LSR: variants seen among roughly 807,000 people sequenced by gnomAD.
The protein encoded by LSR is lipolysis stimulated lipoprotein receptor, also known as lipolysis-stimulated lipoprotein receptor.
Under a neutral mutation model 61.8 loss-of-function variants are expected in LSR, and 44 were observed. That is an observed-to-expected ratio of 0.71 (90% CI 0.56 to 0.91). The LOEUF (loss-of-function observed/expected upper bound fraction) is 0.91. LSR is among the 40% of genes least tolerant of loss of function. LSR has a pLI of 0.00. For synonymous variants in LSR, 397 were observed against 350.6 expected (o/e 1.13, Z -1.48); for missense variants, 911 against 830.5 (o/e 1.10, Z -1.19).
In LSR at chr19:35,266,452, C is replaced by A. The variant is rs2066000110; in HGVS notation, c.872C>A (p.Pro291Gln). 1 of 1,613,038 alleles carries A rather than the reference C, an allele frequency of 6.2e-7. No homozygotes were observed. The highest frequency in any genetic ancestry group is 8.5e-7 in the Non-Finnish European group (1 of 1,179,380). ...CTGTCTCCCGCCAAGACCCCACCCC[C>A]ACCAGCTATGATTCCCATGGGCCCT... is the stretch of plus-strand genomic sequence containing the variant. ...AHLSPAKTPP[P>Q]PAMIPMGPAY... Residue 291 changes from proline (P) to glutamine (Q), a missense_variant, in exon 6 of 10, where the codon CCA (proline) becomes CAA (glutamine). Physicochemically the swap from Pro to Gln is moderately conservative, Grantham distance 76. Coordinates refer to ENST00000605618, the MANE Select transcript of LSR (RefSeq NM_205834.4).
At chr19:35,256,825 G>A (rs911568498) in intron 2 of LSR, among the ~76,000 whole-genome samples, 1 of 151,850 alleles carries the variant, frequency 6.6e-6, no homozygotes, top group Non-Finnish European at 1.5e-5. Flanking sequence ...GAGGAGAGGG[G>A]GTTCGTTTCC....
chr19:35,258,291 C>T (rs2065879680), intron 2 of LSR, among the ~76,000 whole-genome samples: 1 of 151,978 alleles, frequency 6.6e-6, no homozygotes, highest in Non-Finnish European at 1.5e-5. Flanking sequence ...ACTAAAAATG[C>T]AAAAATTAGC....
At position 35,266,756 on chromosome 19, in the gene LSR, C is replaced by T. The variant is rs562470090; in HGVS notation, c.1012+18C>T. The T allele has an allele frequency of 1.4e-4, 220 of 1,609,108 alleles. 3 individuals are homozygous for T. The South Asian group carries it at 2.3e-3, about 17-fold the overall frequency. On this transcript the variant is annotated intron_variant, in intron 7 of 9. Coordinates refer to ENST00000605618, the MANE Select transcript of LSR (RefSeq NM_205834.4). ...GGCCTCTGGTGAGAATCCATCGTCCCGAAGTTGGATGTGCCTGTAAGGGAG... is the reference window on the plus strand; with the variant it reads ...GGCCTCTGGTGAGAATCCATCGTCCTGAAGTTGGATGTGCCTGTAAGGGAG...
In LSR at chr19:35,251,054, G is replaced by A. The variant is rs188950083; in HGVS notation, c.454+395G>A. On this transcript the variant is annotated intron_variant, in intron 2 of 9. Transcript: ENST00000605618. ...CAAATGATCTGCCCGCCTTGGCCTC[G>A]CAAAGTGCTGAGAGACACCATACCC... Among the ~76,000 whole-genome samples the A allele has an allele frequency of 2.2e-4, 33 of 152,182 alleles. No homozygotes were observed. The East Asian group carries it at 6.0e-3, about 28-fold the overall frequency.
In LSR at chr19:35,249,065, C is replaced by G. The variant is rs557558088; in HGVS notation, c.43C>G (p.His15Asp). 1 of 1,569,362 alleles carries G rather than the reference C, an allele frequency of 6.4e-7. No individual in the cohort carries two copies. Among genetic ancestry groups the G allele is most frequent in the Non-Finnish European group, 8.6e-7 (1 of 1,158,824 alleles). Residue 15 changes from histidine (H) to aspartate (D), a missense_variant, in exon 1 of 10, where the codon CAC becomes GAC. Coordinates refer to ENST00000605618, the MANE Select transcript of LSR (RefSeq NM_205834.4). ...AGGLSRGLGS[H>D]PAAAGRDAVV... is the part of the protein sequence containing the mutation. ...CGGGCTCTCCAGAGGGCTGGGCTCCCACCCGGCCGCCGCAGGCCGGGACGC... is the reference window on the plus strand; with the variant it reads ...CGGGCTCTCCAGAGGGCTGGGCTCCGACCCGGCCGCCGCAGGCCGGGACGC...
intron 2 of LSR, among the ~76,000 whole-genome samples, chr19:35,253,015 T>C (rs2065813754): frequency 1.3e-5 from 2 of 148,492 alleles, no homozygotes; most frequent in South Asian, 4.5e-4. Context: ...AGTGAGACCC[T>C]GTCTTGAAAT....
intron 3 of LSR, among the ~76,000 whole-genome samples, chr19:35,261,115 C>T (rs1416319441): frequency 6.6e-6 from 1 of 152,104 alleles, no homozygotes; most frequent in East Asian, 1.9e-4. Flanking sequence ...CTGTGGAGGC[C>T]CCTCAGACAC....
chr19:35,251,053 C>G (rs762854434), intron 2 of LSR, among the ~76,000 whole-genome samples: 31 of 152,276 alleles, frequency 2.0e-4, no homozygotes, highest in Non-Finnish European at 4.0e-4. Flanking sequence ...GCCTTGGCCT[C>G]GCAAAGTGCT....
intron 3 of LSR, among the ~76,000 whole-genome samples, chr19:35,260,856 G>A (rs4806125): frequency 0.15 from 22,233 of 151,300 alleles, 1,765 homozygotes; most frequent in Admixed American, 0.2. Context: ...ACACACACAC[G>A]CATATAGTCC....
intron 5 of LSR, among the ~76,000 whole-genome samples, chr19:35,263,621 C>T (rs952035802): frequency 6.6e-6 from 1 of 152,046 alleles, no homozygotes; most frequent in East Asian, 1.9e-4. Context: ...GTCAGCCTCC[C>T]CAAAGTGCTG....
In LSR at chr19:35,250,464, C is replaced by G. The variant is rs781599679; in HGVS notation, c.259C>G (p.Arg87Gly). ...GAAGTACAAGTCTTTCTGCCGGGAC[C>G]GCATCGCCGATGCCTTCTCCCCGGC... ...IWKYKSFCRD[R>G]IADAFSPASV... The change falls in exon 2 of 10, where the codon CGC becomes GGC. Residue 87 changes from arginine to glycine, a missense_variant. Physicochemically the swap from Arg to Gly is moderately radical, Grantham distance 125 (BLOSUM62 -2). Coordinates refer to ENST00000605618, the MANE Select transcript of LSR (RefSeq NM_205834.4). The G allele has an allele frequency of 1.9e-6, 3 of 1,614,062 alleles. No individual in the cohort carries two copies. The highest frequency in any genetic ancestry group is 2.5e-6 in the Non-Finnish European group (3 of 1,179,992).
At chr19:35,263,370 T>G (rs952086391) in intron 5 of LSR, among the ~76,000 whole-genome samples, 22 of 152,094 alleles carry the variant, frequency 1.4e-4, no homozygotes, top group Non-Finnish European at 1.0e-4. Flanking sequence ...AAAAAATTTT[T>G]TTTGTTTTAG....
Position 35,250,355 on chromosome 19 carries a change from C to A in LSR, c.150C>A (p.Tyr50Ter). The A allele has an allele frequency of 1.9e-6, 3 of 1,582,112 alleles. No homozygotes were observed. The highest frequency in any genetic ancestry group is 2.6e-6 in the Non-Finnish European group (3 of 1,158,764). The change falls in exon 2 of 10, where the codon TAC (tyrosine) becomes TAA (stop). Residue 50 changes from tyrosine to a stop codon, truncating the protein, a stop_gained. Coordinates refer to ENST00000605618, the MANE Select transcript of LSR (RefSeq NM_205834.4). LOFTEE classifies it high-confidence loss of function. ...RAIQVTVSNPYHVVILFQPVT... is the reference protein window; with the variant it reads ...RAIQVTVSNP ...TCCAGGTGACCGTGTCCAACCCCTA[C>A]CACGTGGTGATCCTCTTCCAGCCTG...
chr19:35,255,289 C>T (rs912564657), intron 2 of LSR, among the ~76,000 whole-genome samples: 4 of 152,176 alleles, frequency 2.6e-5, no homozygotes, highest in Non-Finnish European at 4.4e-5. Context: ...CACTGCACTC[C>T]AGCCTGGGCG....
chr19:35,263,018 G>T, intron 5 of LSR: 2 of 234,076 alleles, frequency 8.5e-6, no homozygotes, highest in South Asian at 1.7e-4. Flanking sequence ...CAGTGATTAC[G>T]CCTGTAATCC....
In LSR at chr19:35,250,474, A is replaced by G; in HGVS notation, c.269A>G (p.Asp90Gly). 1.2e-6 allele frequency: 2 copies of G among 1,614,060 alleles called. No individual in the cohort carries two copies. The highest frequency in any genetic ancestry group is 1.7e-6 in the Non-Finnish European group (2 of 1,180,000). Residue 90 changes from aspartate (D) to glycine (G), a missense_variant, in exon 2 of 10, where the codon GAT (aspartate) becomes GGT (glycine). Physicochemically the swap from Asp to Gly is moderately conservative, Grantham distance 94 (BLOSUM62 -1). Coordinates refer to ENST00000605618, the MANE Select transcript of LSR (RefSeq NM_205834.4). ...YKSFCRDRIA[D>G]AFSPASVDNQ... is the part of the protein sequence containing the mutation. ...TCTTTCTGCCGGGACCGCATCGCCG[A>G]TGCCTTCTCCCCGGCCAGCGTCGAC...
chr19:35,258,794 T>C (rs1015809294), intron 2 of LSR, 151 bp from the exon 3 acceptor site: 35 of 940,890 alleles, frequency 3.7e-5, no homozygotes, highest in South Asian at 5.5e-5. Flanking sequence ...GTGCCCTTGG[T>C]AGGAATCTTT....
Position 35,250,348 on chromosome 19 carries a change from A to T in LSR, c.143A>T (p.Asn48Ile), listed in dbSNP as rs1349945607. The T allele has an allele frequency of 1.9e-6, 3 of 1,574,066 alleles. No homozygotes were observed. In the South Asian group the frequency reaches 3.5e-5, roughly 18 times the overall value. Reference sequence around the variant, plus strand: ...AGGGCCATCCAGGTGACCGTGTCCAACCCCTACCACGTGGTGATCCTCTTC... The same window carrying T: ...AGGGCCATCCAGGTGACCGTGTCCATCCCCTACCACGTGGTGATCCTCTTC... ...PARAIQVTVS[N>I]PYHVVILFQP... Residue 48 changes from asparagine (N) to isoleucine (I), a missense_variant, in exon 2 of 10, where the codon AAC becomes ATC. Asn to Ile is a moderately radical substitution (Grantham distance 149). Transcript: ENST00000605618.
At chr19:35,250,229 G>A (rs938674056) in intron 1 of LSR, 86 bp from the exon 2 acceptor site, 5 of 845,070 alleles carry the variant, frequency 5.9e-6, no homozygotes, top group Non-Finnish European at 7.4e-6. Flanking sequence ...ATACTTGCGA[G>A]TGTCAAGCTG....
Sources: gnomAD v4.1 joint callset for allele counts (sites outside exome capture counted in the v4.1 genomes callset) on GRCh38, gnomAD v4.1.1 for gene constraint, MANE v1.5 for transcripts, NCBI Gene and HGNC (gene_info 2026-07-23, HGNC 2026-07-21) for gene names.